Variants in RBM27 observed in about 807,000 individuals in gnomAD.
The protein encoded by RBM27 is RNA-binding protein 27.
Under a neutral mutation model 135.3 loss-of-function variants are expected in RBM27, and 22 were observed. That is an observed-to-expected ratio of 0.16 (90% CI 0.12 to 0.23). The LOEUF (loss-of-function observed/expected upper bound fraction) is 0.23. RBM27 is among the 10% of genes least tolerant of loss of function. The probability of loss-of-function intolerance (pLI) is 1.00; values close to 1 mark genes in which losing one functional copy is unlikely to be tolerated. For missense variants in RBM27, 1,009 were observed against 1,281.0 expected, an observed-to-expected ratio of 0.79 and a Z score of 3.24; for synonymous variants, 481 against 442.4, an observed-to-expected ratio of 1.09 and a Z score of -1.10.
chr5:146,248,437 A>G (rs775534762), intron 8 of RBM27, among the ~76,000 whole-genome samples: 2 of 152,082 alleles, frequency 1.3e-5, no homozygotes, highest in Admixed American at 1.3e-4. Flanking sequence ...AAGTCAGGCT[A>G]CATTTGGATT....
intron 11 of RBM27, among the ~76,000 whole-genome samples, chr5:146,260,028 A>G (rs1264602596): frequency 7.2e-6 from 1 of 139,390 alleles, no homozygotes; most frequent in Non-Finnish European, 1.5e-5. Flanking sequence ...GGCCGGGCGT[A>G]GTGGCTCACA....
At chr5:146,277,632 C>T (rs1186821055) in intron 19 of RBM27, among the ~76,000 whole-genome samples, 1 of 150,462 alleles carries the variant, frequency 6.6e-6, no homozygotes, top group Non-Finnish European at 1.5e-5. Context: ...ATGCCATTCT[C>T]CTGCCTCAGC....
rs1218904113 is a variant in RBM27, at chr5:146,203,810, G to C, written c.45G>C (p.Lys15Asn). 5 of 1,475,104 alleles carry C rather than the reference G, an allele frequency of 3.4e-6. No individual in the cohort carries two copies. The Admixed American group carries it at 1.0e-4, about 31-fold the overall frequency. 91.4% of individuals were successfully genotyped at this position (1,475,104 alleles called of 1,614,324 possible). The stretch of plus-strand genomic sequence containing the variant: ...ATGCCCTCAAGTCCTGGCTGGCCAA[G>C]TTACTGGAGCCGATGTGAGTGAGCC... ...DVDALKSWLA[K>N]LLEPICDADP... The change falls in exon 1 of 21, where the codon AAG becomes AAC. Residue 15 changes from lysine to asparagine, a missense_variant. Physicochemically the swap from Lys to Asn is moderately conservative, Grantham distance 94 (BLOSUM62 0). Around this residue, in one of 6 missense-constraint regions of RBM27, gnomAD observed 268 missense variants for 326.6 expected, o/e 0.82. Transcript: ENST00000265271.
At chr5:146,225,555 T>C (rs1756633705) in intron 3 of RBM27, among the ~76,000 whole-genome samples, 1 of 150,882 alleles carries the variant, frequency 6.6e-6, no homozygotes, top group African/African-American at 2.4e-5. Context: ...CCTTTCTGTT[T>C]TTTACCTTTC....
intron 8 of RBM27, among the ~76,000 whole-genome samples, chr5:146,242,587 T>A (rs1244773666): frequency 6.6e-6 from 1 of 152,170 alleles, no homozygotes; most frequent in Non-Finnish European, 1.5e-5. Flanking sequence ...AGTTTGTCAG[T>A]CATAAGTTTA....
intron 19 of RBM27, among the ~76,000 whole-genome samples, chr5:146,273,383 G>T (rs531237715): frequency 6.6e-6 from 1 of 152,288 alleles, no homozygotes; most frequent in South Asian, 2.1e-4. Flanking sequence ...TGACAAGTCT[G>T]CAGTGTGGCA....
intron 19 of RBM27, among the ~76,000 whole-genome samples, chr5:146,276,833 T>C (rs945143177): frequency 6.6e-6 from 1 of 152,172 alleles, no homozygotes; most frequent in Non-Finnish European, 1.5e-5. Context: ...GGTGGGAGGA[T>C]TGCTTGAGCC....
In RBM27 at chr5:146,261,548, A is replaced by G. The variant is rs370290268; in HGVS notation, c.1932A>G (p.Gln644=). ...FKGDPEAALI[Q]YLTNEEARKA... is the part of the protein sequence containing the mutation. ...GTGACCCAGAAGCAGCCCTAATCCA[A>G]TATCTTACCAATGAGGAGGCCAGGA... The change falls in exon 13 of 21, where the codon CAA becomes CAG. Residue 644 remains glutamine (Q), a synonymous_variant. Coordinates refer to ENST00000265271, the MANE Select transcript of RBM27 (RefSeq NM_018989.2). 22 of 1,614,102 alleles carry G rather than the reference A, an allele frequency of 1.4e-5. No individual in the cohort carries two copies. In the African/African-American group the frequency reaches 2.3e-4, roughly 17 times the overall value.
chr5:146,240,916 A>G (rs947958101), intron 8 of RBM27, among the ~76,000 whole-genome samples: 4 of 152,188 alleles, frequency 2.6e-5, no homozygotes, highest in African/African-American at 9.7e-5. Flanking sequence ...AGAGGACAGT[A>G]TATGGAACTC....
chr5:146,211,494 T>A (rs1394853146), intron 1 of RBM27, among the ~76,000 whole-genome samples: 95 of 108,588 alleles, frequency 8.7e-4, no homozygotes, highest in Admixed American at 2.1e-3. Flanking sequence ...TTTTTTTTTT[T>A]ACTTTGAGAG....
intron 20 of RBM27, among the ~76,000 whole-genome samples, chr5:146,285,270 T>C (rs2126927483): frequency 6.6e-6 from 1 of 152,272 alleles, no homozygotes; most frequent in South Asian, 2.1e-4. Flanking sequence ...CATTAGTTTA[T>C]TTAGTGAACA....
At chr5:146,210,133 GGT>G (rs1159168544) in intron 1 of RBM27, among the ~76,000 whole-genome samples, 1 of 152,126 alleles carries the variant, frequency 6.6e-6, no homozygotes, top group Non-Finnish European at 1.5e-5. Flanking sequence ...TGCAGGGCAA[GGT>G]CTGTTTTGTT....
chr5:146,214,261 C>T (rs1756096675), intron 1 of RBM27, among the ~76,000 whole-genome samples: 1 of 152,144 alleles, frequency 6.6e-6, no homozygotes, highest in South Asian at 2.1e-4. Context: ...TGTCTAGAGA[C>T]ATGTGTATTT....
chr5:146,242,440 C>T (rs1181848589), intron 8 of RBM27, among the ~76,000 whole-genome samples: 1 of 152,182 alleles, frequency 6.6e-6, no homozygotes, highest in Non-Finnish European at 1.5e-5. Context: ...ATATTGAACA[C>T]TTCAGAAGTC....
chr5:146,238,117 A>G (rs1757248145), intron 8 of RBM27, among the ~76,000 whole-genome samples: 1 of 152,242 alleles, frequency 6.6e-6, no homozygotes, highest in Admixed American at 6.5e-5. Flanking sequence ...ATTATGCCTA[A>G]TAATTAACTT....
At chr5:146,256,157 A>G (rs906647613) in intron 10 of RBM27, among the ~76,000 whole-genome samples, 4 of 150,608 alleles carry the variant, frequency 2.7e-5, no homozygotes, top group African/African-American at 9.8e-5. Flanking sequence ...TGCCCAGCCT[A>G]GCATTTTCCT....
intron 14 of RBM27, among the ~76,000 whole-genome samples, chr5:146,265,629 G>T (rs1323624733): frequency 6.6e-6 from 1 of 152,182 alleles, no homozygotes; most frequent in Non-Finnish European, 1.5e-5. Context: ...TAGCATATCT[G>T]CATTGAGTGC....
At chr5:146,262,373 T>C (rs1015112648) in intron 13 of RBM27, among the ~76,000 whole-genome samples, 6 of 152,326 alleles carry the variant, frequency 3.9e-5, no homozygotes, top group Admixed American at 3.3e-4. Flanking sequence ...CTTCTAAAAA[T>C]GGGAATAGAA....
Position 146,233,599 on chromosome 5 carries a change from C to G in RBM27, c.1000C>G (p.Pro334Ala). 6.2e-7 allele frequency: 1 copy of G among 1,611,338 alleles called. No individual in the cohort carries two copies. The highest frequency in any genetic ancestry group is 8.5e-7 in the Non-Finnish European group (1 of 1,178,106). Residue 334 changes from proline (P) to alanine (A), a missense_variant, in exon 7 of 21, where the codon CCT becomes GCT. This residue lies in a region of RBM27 where 329 missense variants were observed against 368.1 expected (regional missense o/e 0.89). Transcript: ENST00000265271. ...TCCACCACCTCCTGGAATGTTAATG[C>G]CTCCAATGCCAGGTCCAGGCCCAGG... is the stretch of plus-strand genomic sequence containing the variant. ...PPPPPPGMLM[P>A]PMPGPGPGPG...
Sources: gnomAD v4.1 joint callset for allele counts (sites outside exome capture counted in the v4.1 genomes callset) on GRCh38, gnomAD v4.1.1 for gene constraint, gnomAD v4.1.1 regional missense constraint, MANE v1.5 for transcripts, NCBI Gene and HGNC (gene_info 2026-07-23, HGNC 2026-07-21) for gene names.